Variants in VPS8 observed in about 807,000 individuals in gnomAD.
VPS8 encodes vacuolar protein sorting-associated protein 8 homolog.
A neutral mutation model predicts 216.4 loss-of-function variants in VPS8; 129 were observed. That is an observed-to-expected ratio of 0.60 (90% confidence interval 0.52 to 0.69). The LOEUF (loss-of-function observed/expected upper bound fraction) is 0.69. Ranked by LOEUF, VPS8 falls within the 30% of genes least tolerant of loss-of-function variation. The pLI is 0.00. For missense variants in VPS8, 1,531 were observed against 1,683.5 expected, an observed-to-expected ratio of 0.91 and a Z score of 1.59; for synonymous variants, 571 against 565.4, an observed-to-expected ratio of 1.01 and a Z score of -0.14.
chr3:185,046,308 C>T (rs1488546887), intron 46 of VPS8, among the ~76,000 whole-genome samples: 1 of 152,214 alleles, frequency 6.6e-6, no homozygotes, highest in Non-Finnish European at 1.5e-5. Flanking sequence ...TTCAGGGCTG[C>T]CATGTATCTT....
At chr3:185,049,976 T>C (rs1300059992) in intron 47 of VPS8, among the ~76,000 whole-genome samples, 1 of 152,144 alleles carries the variant, frequency 6.6e-6, no homozygotes, top group Non-Finnish European at 1.5e-5. Flanking sequence ...CAGCCTCAGC[T>C]AAGCTCTGCC....
chr3:184,832,743 G>T lies in VPS8; in HGVS notation c.277G>T (p.Asp93Tyr). The change falls in exon 4 of 48, where the codon GAT (aspartate) becomes TAT (tyrosine). Residue 93 changes from aspartate to tyrosine, a missense_variant. By Grantham distance (160) the Asp-to-Tyr change is radical. Coordinates refer to ENST00000625842, the MANE Select transcript of VPS8 (RefSeq NM_001009921.3). ...ILEDPTLLNI[D>Y]TIDSHSYDTS... ...TGAGGATCCTACATTGTTAAACATTGATACTATTGATTCTCACTCCTATGA... is the reference window on the plus strand; with the variant it reads ...TGAGGATCCTACATTGTTAAACATTTATACTATTGATTCTCACTCCTATGA... The T allele has an allele frequency of 6.2e-7, 1 of 1,608,212 alleles. No homozygotes were observed. The highest frequency in any genetic ancestry group is 1.1e-5 in the South Asian group (1 of 90,274).
At position 184,901,181 on chromosome 3, in the gene VPS8, A is replaced by G. The variant is rs550815306; in HGVS notation, c.2146+209A>G. ...CCCCTTTGTACTTGATCCTTTCCCC[A>G]CAGCCCTGCTCTGGGCAGTCACTGA... On this transcript the variant is annotated intron_variant, in intron 25 of 47. Transcript: ENST00000625842. 3.5e-5 allele frequency: 19 copies of G among 544,424 alleles called. No individual in the cohort carries two copies. The African/African-American group carries it at 3.5e-4, about 10-fold the overall frequency. 33.7% of individuals were successfully genotyped at this position (544,424 alleles called of 1,614,324 possible).
intron 25 of VPS8, among the ~76,000 whole-genome samples, chr3:184,912,619 G>C (rs1736768664): frequency 6.6e-6 from 1 of 152,072 alleles, no homozygotes; most frequent in Admixed American, 6.5e-5. Context: ...GTTATGCCAT[G>C]CAGGTGGTGA....
intron 36 of VPS8, among the ~76,000 whole-genome samples, chr3:184,942,767 G>A (rs747945648): frequency 1.3e-5 from 2 of 152,108 alleles, no homozygotes; most frequent in Non-Finnish European, 2.9e-5. Context: ...TTAATGTTTG[G>A]CATTTCAATC....
chr3:184,819,877 A>T (rs564230919), intron 1 of VPS8, among the ~76,000 whole-genome samples: 2 of 152,356 alleles, frequency 1.3e-5, no homozygotes, highest in East Asian at 3.9e-4. Flanking sequence ...ATTTAGTTAC[A>T]ATAAAGTAAG....
At chr3:184,944,009 G>A (rs1743210618) in intron 36 of VPS8, among the ~76,000 whole-genome samples, 1 of 151,944 alleles carries the variant, frequency 6.6e-6, no homozygotes, top group African/African-American at 2.4e-5. Context: ...GGCTGAGGCA[G>A]GAGAATTGCT....
At chr3:184,882,398 T>C (rs1228180418) in intron 21 of VPS8, 2 of 455,210 alleles carry the variant, frequency 4.4e-6, no homozygotes, top group Admixed American at 4.7e-5. Context: ...ATTGAACCAG[T>C]CTTGCATCCT....
chr3:184,826,115 A>C, intron 2 of VPS8, 48 bp from the exon 3 acceptor site: 1 of 1,380,348 alleles, frequency 7.2e-7, no homozygotes, highest in Non-Finnish European at 1.0e-6. Flanking sequence ...TCACAATTAT[A>C]AGCAGAAAGG....
At chr3:184,969,119 TTTTG>T (rs1309081255) in intron 39 of VPS8, among the ~76,000 whole-genome samples, 1 of 152,146 alleles carries the variant, frequency 6.6e-6, no homozygotes, top group Non-Finnish European at 1.5e-5. Flanking sequence ...AAGAATAACT[TTTTG>T]TTTTTTTCTG....
rs765241493 is a variant in VPS8 at position 184,966,702 on chromosome 3, A to G, written c.3305A>G (p.His1102Arg). 3 of 1,590,988 alleles carry G rather than the reference A, an allele frequency of 1.9e-6. No individual in the cohort carries two copies. In the African/African-American group the frequency reaches 4.0e-5, roughly 21 times the overall value. ...CAAAGCAAACTTCAAGAGGTAACAC[A>G]TCAAGGTGAAAGTAAGTTCTTGAAA... The part of the protein sequence containing the change: ...RLQSKLQEVT[H>R]QGENTKEDPS... Residue 1102 changes from histidine (H) to arginine (R), a missense_variant, in exon 39 of 48, where the codon CAT (histidine) becomes CGT (arginine). Around this residue, in one of 3 missense-constraint regions of VPS8, gnomAD observed 1,318 missense variants for 1,468.4 expected, o/e 0.90. Transcript: ENST00000625842.
intron 45 of VPS8, among the ~76,000 whole-genome samples, chr3:185,002,431 A>C (rs1753545615): frequency 6.6e-6 from 1 of 152,198 alleles, no homozygotes; most frequent in South Asian, 2.1e-4. Flanking sequence ...AAGGTTCGGA[A>C]ACCATTTAAT....
At chr3:184,907,124 C>T (rs900211478) in intron 25 of VPS8, among the ~76,000 whole-genome samples, 4 of 152,128 alleles carry the variant, frequency 2.6e-5, no homozygotes, top group Non-Finnish European at 5.9e-5. Context: ...TCGATCAATA[C>T]GTTTAAGATG....
intron 1 of VPS8, among the ~76,000 whole-genome samples, chr3:184,823,186 A>G (rs1056727072): frequency 6.6e-6 from 1 of 152,210 alleles, no homozygotes; most frequent in African/African-American, 2.4e-5. Flanking sequence ...ATATTGTTTA[A>G]AAACAACTAA....
intron 42 of VPS8, among the ~76,000 whole-genome samples, chr3:184,992,735 T>C (rs915302511): frequency 1.3e-5 from 2 of 152,154 alleles, no homozygotes; most frequent in Non-Finnish European, 1.5e-5. Flanking sequence ...TAGAGAAAAG[T>C]AATAGACTTG....
chr3:184,871,860 A>G (rs1051109405), intron 21 of VPS8, among the ~76,000 whole-genome samples: 1 of 152,172 alleles, frequency 6.6e-6, no homozygotes, highest in African/African-American at 2.4e-5. Flanking sequence ...GAAGACAAGA[A>G]TAGATATGGC....
At chr3:184,975,164 T>C (rs1254853454) in intron 40 of VPS8, among the ~76,000 whole-genome samples, 2 of 151,922 alleles carry the variant, frequency 1.3e-5, no homozygotes, top group African/African-American at 4.8e-5. Context: ...GTCATTTTAA[T>C]ATTCTTCTGA....
rs1011827828 is a variant in VPS8 at position 185,000,381 on chromosome 3, G to A, written c.4002+520G>A. Among the ~76,000 whole-genome samples, 21 of 152,106 alleles carry A rather than the reference G, an allele frequency of 1.4e-4. No homozygotes were observed. In the East Asian group the frequency reaches 2.9e-3, roughly 21 times the overall value. ...AGTGGAGCAGAGTTTGAACTCTACC[G>A]CTTGATAGTTTTCAGGAGAGCAGAG... is the stretch of plus-strand genomic sequence containing the variant. On this transcript the variant is annotated intron_variant, in intron 45 of 47. Coordinates refer to ENST00000625842, the MANE Select transcript of VPS8 (RefSeq NM_001009921.3).
At chr3:184,908,257 G>A (rs1735845540) in intron 25 of VPS8, among the ~76,000 whole-genome samples, 1 of 152,194 alleles carries the variant, frequency 6.6e-6, no homozygotes, top group African/African-American at 2.4e-5. Flanking sequence ...CTGAGGATGG[G>A]GCATTTGAGG....
Sources: allele counts gnomAD v4.1 joint callset (sites outside exome capture counted in the v4.1 genomes callset), GRCh38; gene constraint gnomAD v4.1.1; regional missense constraint gnomAD v4.1.1; transcripts MANE v1.5; gene names NCBI Gene and HGNC (gene_info 2026-07-23, HGNC 2026-07-21).